The following SLC47A2 variants were observed in gnomAD, a reference collection of about 807,000 sequenced individuals.
SLC47A2 encodes the protein multidrug and toxin extrusion protein 2.
A neutral mutation model predicts 67.7 loss-of-function variants in SLC47A2; 52 were observed. The observed-to-expected ratio is 0.77, with a 90% confidence interval of 0.61 to 0.97. The LOEUF (loss-of-function observed/expected upper bound fraction) is 0.97, where lower values mean the gene tolerates loss of function less well. Among genes scored for constraint, SLC47A2 ranks in the 50% least tolerant of loss-of-function variants. The pLI is 0.00. For missense variants in SLC47A2, 676 were observed against 712.3 expected, an observed-to-expected ratio of 0.95 and a Z score of 0.58; for synonymous variants, 278 against 292.9, an observed-to-expected ratio of 0.95 and a Z score of 0.52.
At chr17:19,708,643 C>G in intron 6 of SLC47A2, 73 bp downstream of exon 6, 1 of 1,602,780 alleles carries the variant, frequency 6.2e-7, no homozygotes, top group Middle Eastern at 1.7e-4. Flanking sequence ...AGGGGAAAGC[C>G]CCAGGCCCCC....
At chr17:19,715,328 C>T (rs2152365199) in intron 1 of SLC47A2, 111 bp from the exon 2 acceptor site, 2 of 894,950 alleles carry the variant, frequency 2.2e-6, no homozygotes, top group Middle Eastern at 2.9e-4. Flanking sequence ...CCCGAGAGGT[C>T]ACCTACGCCT....
At position 19,689,416 on chromosome 17, in the gene SLC47A2, G is replaced by A. The variant is rs1411550460; in HGVS notation, c.1165-7746C>T. 3.3e-5 allele frequency among the ~76,000 whole-genome samples: 5 copies of A among 152,042 alleles called. No homozygotes were observed. The South Asian group carries it at 6.2e-4, about 19-fold the overall frequency. ...AACTTAATCAAAGAAATGAAAGATG[G>A]CCAGGCACGCTGGCTTATGCCTGTA... is the stretch of plus-strand genomic sequence containing the variant. On this transcript the variant is annotated intron_variant, in intron 13 of 16. Coordinates refer to ENST00000433844, the MANE Select transcript of SLC47A2 (RefSeq NM_001099646.3).
chr17:19,706,455 T>C (rs1270905651), intron 9 of SLC47A2, among the ~76,000 whole-genome samples, 193 bp downstream of exon 9: 2 of 152,166 alleles, frequency 1.3e-5, no homozygotes, highest in Non-Finnish European at 2.9e-5. Flanking sequence ...AACAGACGGA[T>C]CAGCCCCGCT....
chr17:19,698,885 T>G (rs1204464409), intron 13 of SLC47A2, among the ~76,000 whole-genome samples: 1 of 152,154 alleles, frequency 6.6e-6, no homozygotes, highest in Non-Finnish European at 1.5e-5. Context: ...GCATAGCAAC[T>G]GTTACATAGC....
intron 13 of SLC47A2, among the ~76,000 whole-genome samples, chr17:19,684,254 C>T (rs1163961873): frequency 6.6e-6 from 1 of 152,036 alleles, no homozygotes; most frequent in East Asian, 1.9e-4. Context: ...GTTCTCTGGC[C>T]ACAACAGAAT....
intron 5 of SLC47A2, among the ~76,000 whole-genome samples, chr17:19,711,588 CAAAAAAAAAAA>C (rs35308426): frequency 1.6e-3 from 54 of 33,006 alleles, no homozygotes; most frequent in African/African-American, 3.9e-3. Flanking sequence ...AACTCCGTCT[CAAAAAAAAAAA>C]AAAAAAAAAA....
At chr17:19,702,805 ACTGGCACTG>A in intron 12 of SLC47A2, 131 bp from the exon 13 acceptor site, 1 of 1,054,402 alleles carries the variant, frequency 9.5e-7, no homozygotes, top group East Asian at 2.6e-5. Context: ...CACAAATGTA[ACTGGCACTG>A]CTAGCCCAGA....
intron 10 of SLC47A2, chr17:19,704,530 G>GAAAAATTT: frequency 9.4e-7 from 1 of 1,062,976 alleles, no homozygotes; most frequent in South Asian, 1.9e-5. Context: ...CTCCCTGTAA[G>GAAAAATTT]AAAAAAGATA....
chr17:19,714,990 G>T, intron 2 of SLC47A2, 126 bp downstream of exon 2: 1 of 1,280,710 alleles, frequency 7.8e-7, no homozygotes, highest in Non-Finnish European at 1.1e-6. Flanking sequence ...TGTGAAGGCA[G>T]CTGTCCAGCC....
At chr17:19,687,701 G>A (rs1402160302) in intron 13 of SLC47A2, among the ~76,000 whole-genome samples, 2 of 152,050 alleles carry the variant, frequency 1.3e-5, no homozygotes, top group Non-Finnish European at 2.9e-5. Context: ...ATTGTTAAAC[G>A]TTACTATGAG....
In SLC47A2 at chr17:19,716,560, G is replaced by T; in HGVS notation, c.-5C>A. The T allele has an allele frequency of 6.3e-7, 1 of 1,598,606 alleles. No homozygotes were observed. Among genetic ancestry groups the T allele is most frequent in the South Asian group, 1.1e-5 (1 of 88,006 alleles). On this transcript the variant is annotated 5_prime_UTR_variant, in exon 1 of 17. Transcript: ENST00000433844. The stretch of plus-strand genomic sequence containing the variant: ...TGTGTCCTGGAGGCTGTCCATTCCT[G>T]GCCGGGGCACTGGCTACCCTGCACG...
chr17:19,705,517 C>T lies in SLC47A2; in HGVS notation c.842-14G>A. ...CACTGAGCAGCCCTAGAGAAGAGGC[C>T]CGCCGTGAGTCCGGCCCGCAGCCCC... On this transcript the variant is annotated splice_polypyrimidine_tract_variant and intron_variant, in intron 9 of 16. Transcript: ENST00000433844. 3 of 1,606,198 alleles carry T rather than the reference C, an allele frequency of 1.9e-6. No individual in the cohort carries two copies. Among genetic ancestry groups the T allele is most frequent in the South Asian group, 1.1e-5 (1 of 89,976 alleles).
intron 7 of SLC47A2, 125 bp downstream of exon 7, chr17:19,708,177 C>T: frequency 9.0e-7 from 1 of 1,107,946 alleles, no homozygotes; most frequent in Non-Finnish European, 1.3e-6. Flanking sequence ...CCTCCAACTC[C>T]CCATAACCCT....
Position 19,716,267 on chromosome 17 carries a change from G to A in SLC47A2, c.123+166C>T, listed in dbSNP as rs1167466652. The A allele has an allele frequency of 3.2e-5, 36 of 1,125,082 alleles. 1 individual carries two copies. Among genetic ancestry groups the A allele is most frequent in the Non-Finnish European group, 2.5e-6 (2 of 810,828 alleles). 69.7% of individuals were successfully genotyped at this position (1,125,082 alleles called of 1,614,324 possible). On this transcript the variant is annotated intron_variant, in intron 1 of 16. Coordinates refer to ENST00000433844, the MANE Select transcript of SLC47A2 (RefSeq NM_001099646.3). ...TGCCACTGGGGATTGTCCAGAGACA[G>A]CTTTCAGGAGCCATCCTGCTGTCCC...
At chr17:19,682,475 C>G (rs2152338424) in intron 13 of SLC47A2, among the ~76,000 whole-genome samples, 1 of 152,320 alleles carries the variant, frequency 6.6e-6, no homozygotes, top group South Asian at 2.1e-4. Flanking sequence ...GAATGTGTCT[C>G]TGCTTTTTCT....
At chr17:19,710,184 AG>A (rs1170598999) in intron 5 of SLC47A2, among the ~76,000 whole-genome samples, 1 of 152,204 alleles carries the variant, frequency 6.6e-6, no homozygotes, top group East Asian at 1.9e-4. Flanking sequence ...CAGAACTGCC[AG>A]TCGTAACAGG....
intron 13 of SLC47A2, 77 bp downstream of exon 13, chr17:19,702,528 C>G: frequency 1.9e-6 from 3 of 1,589,510 alleles, no homozygotes; most frequent in Non-Finnish European, 2.6e-6. Flanking sequence ...CCTCACAGCC[C>G]TGCGAGGTCC....
chr17:19,682,329 T>TCACACACACACACACA (rs376421449), intron 13 of SLC47A2, among the ~76,000 whole-genome samples: 4 of 143,784 alleles, frequency 2.8e-5, no homozygotes, highest in African/African-American at 1.0e-4. Context: ...CGAGACTTGG[T>TCACACACACACACACA]CACACACACA....
intron 13 of SLC47A2, among the ~76,000 whole-genome samples, chr17:19,687,158 A>G (rs1235440011): frequency 6.6e-6 from 1 of 152,200 alleles, no homozygotes; most frequent in Non-Finnish European, 1.5e-5. Flanking sequence ...TGGAAACTAT[A>G]CAAACACATG....
Sources: allele counts gnomAD v4.1 joint callset (sites outside exome capture counted in the v4.1 genomes callset), GRCh38; gene constraint gnomAD v4.1.1; transcripts MANE v1.5; gene names NCBI Gene and HGNC (gene_info 2026-07-23, HGNC 2026-07-21).